The following DMD variants were observed in gnomAD, a reference collection of about 807,000 sequenced individuals.
DMD encodes the protein dystrophin.
Under a neutral mutation model 330.1 loss-of-function variants are expected in DMD, and 63 were observed. The ratio of observed to expected loss-of-function variants is 0.19; its 90% CI spans 0.16 to 0.24. The LOEUF (loss-of-function observed/expected upper bound fraction) is 0.24, where lower values mean the gene tolerates loss of function less well. Ranked by LOEUF, DMD falls within the 10% of genes least tolerant of loss-of-function variation. DMD has a pLI of 1.00. For synonymous variants in DMD, 1,223 were observed against 959.8 expected (o/e 1.27, Z -5.07); for missense variants, 3,344 against 2,684.1 (o/e 1.25, Z -5.43).
chrX:32,040,913 C>G (rs1050754918), intron 44 of DMD, among the ~76,000 whole-genome samples: 1 of 111,255 alleles, frequency 9.0e-6, no homozygotes, highest in Non-Finnish European at 1.9e-5. Flanking sequence ...AAGGTGCAGA[C>G]AAAACCGTGC....
intron 1 of DMD, among the ~76,000 whole-genome samples, chrX:33,071,860 C>T (rs2094763133): frequency 8.9e-6 from 1 of 111,918 alleles, no homozygotes; most frequent in Non-Finnish European, 1.9e-5. Flanking sequence ...ACTATTCAGA[C>T]TGGCAAAGCA....
chrX:32,277,502 T>C (rs1372738395), intron 43 of DMD, among the ~76,000 whole-genome samples: 1 of 111,779 alleles, frequency 8.9e-6, no homozygotes, highest in African/African-American at 3.3e-5. Context: ...TTTAATTCAA[T>C]GAGTGTAGAA....
At position 32,545,331 on chromosome X, in the gene DMD, A is replaced by G. The variant is rs1216909016; in HGVS notation, c.1996T>C (p.Ser666Pro). 2 of 1,209,936 alleles carry G rather than the reference A, an allele frequency of 1.7e-6. No individual in the cohort carries two copies. Among genetic ancestry groups the G allele is most frequent in the Non-Finnish European group, 2.2e-6 (2 of 894,122 alleles). ...GGCTGAGTGGTGGTGACAGCCTGTG[A>G]AATCTGTGAGAAGTATTGAAACAGA... is the stretch of plus-strand genomic sequence containing the variant. ...QKLEKSTAQISQAVTTTQPSL... is the reference protein window; with the variant it reads ...QKLEKSTAQIPQAVTTTQPSL... The change falls in exon 17 of 79, where the codon TCA becomes CCA. Residue 666 changes from serine to proline, a missense_variant. By Grantham distance (74) the Ser-to-Pro change is moderately conservative (BLOSUM62 -1). Coordinates refer to ENST00000357033, the MANE Select transcript of DMD (RefSeq NM_004006.3).
At chrX:32,605,920 G>T (rs2056657799) in intron 12 of DMD, among the ~76,000 whole-genome samples, 2 of 109,573 alleles carry the variant, frequency 1.8e-5, no homozygotes, top group Non-Finnish European at 3.9e-5. Context: ...GTACAGAGTA[G>T]GTGTATTTGT....
At chrX:32,996,768 G>A (rs1486414116) in intron 2 of DMD, among the ~76,000 whole-genome samples, 4 of 108,369 alleles carry the variant, frequency 3.7e-5, no homozygotes, top group Non-Finnish European at 7.6e-5. Context: ...AGTGAGCCGA[G>A]ATAGTGCCAT....
chrX:32,472,091 T>A (rs2040695695), intron 22 of DMD, 73 bp downstream of exon 22: 3 of 1,118,275 alleles, frequency 2.7e-6, no homozygotes, highest in Admixed American at 2.2e-5. Flanking sequence ...ATTCTAATAT[T>A]ATTTAAAGGT....
At chrX:31,331,434 T>C (rs1394776384) in intron 61 of DMD, among the ~76,000 whole-genome samples, 1 of 104,491 alleles carries the variant, frequency 9.6e-6, no homozygotes, top group Non-Finnish European at 1.9e-5. Flanking sequence ...GCATTACTCA[T>C]GAAAAAAAAA....
At chrX:33,215,997 C>T (rs2052046679), upstream of DMD, among the ~76,000 whole-genome samples, 1 of 111,512 alleles carries the variant, frequency 9.0e-6, no homozygotes, top group Non-Finnish European at 1.9e-5. Flanking sequence ...ATTGCTTTGG[C>T]TCTATGGGCT....
intron 44 of DMD, among the ~76,000 whole-genome samples, chrX:32,082,159 A>G (rs2096396478): frequency 9.0e-6 from 1 of 111,234 alleles, no homozygotes; most frequent in Admixed American, 9.6e-5. Flanking sequence ...AAGTCGTGCA[A>G]CCTCTTCCAA....
chrX:32,162,898 C>T (rs1372111044), intron 44 of DMD, among the ~76,000 whole-genome samples: 1 of 110,173 alleles, frequency 9.1e-6, no homozygotes, highest in Non-Finnish European at 1.9e-5. Flanking sequence ...GCCTGAATAG[C>T]CATTCATTCC....
At chrX:32,164,755 C>G (rs2096861812) in intron 44 of DMD, among the ~76,000 whole-genome samples, 1 of 107,967 alleles carries the variant, frequency 9.3e-6, no homozygotes, top group African/African-American at 3.4e-5. Flanking sequence ...CATCACAGAC[C>G]CAGAGGTCTA....
At chrX:32,120,522 G>A (rs924969337) in intron 44 of DMD, among the ~76,000 whole-genome samples, 7 of 112,351 alleles carry the variant, frequency 6.2e-5, no homozygotes, top group Non-Finnish European at 9.4e-5. Context: ...AGGGCAGGCA[G>A]TCTACAGCCT....
intron 4 of DMD, among the ~76,000 whole-genome samples, chrX:32,844,406 CAA>C (rs113585554): frequency 6.2e-4 from 46 of 74,016 alleles, no homozygotes; most frequent in African/African-American, 1.5e-3. Context: ...GACTCCATCT[CAA>C]AAAAAAAAAA....
At chrX:32,853,391 CTAA>C (rs1418672687) in intron 2 of DMD, among the ~76,000 whole-genome samples, 4 of 111,756 alleles carry the variant, frequency 3.6e-5, no homozygotes, top group Non-Finnish European at 5.6e-5. Context: ...ACAAATAACT[CTAA>C]TAACTTTAAG....
intron 47 of DMD, among the ~76,000 whole-genome samples, chrX:31,893,624 G>T (rs1603545721): frequency 9.0e-6 from 1 of 111,118 alleles, no homozygotes; most frequent in African/African-American, 3.3e-5. Context: ...CCGGGTCTCA[G>T]ATGAGGATGC....
chrX:32,426,833 C>T (rs1238255050), intron 29 of DMD, among the ~76,000 whole-genome samples: 1 of 111,619 alleles, frequency 9.0e-6, no homozygotes, highest in Non-Finnish European at 1.9e-5. Context: ...GGAGACCATT[C>T]TACTTAGCAA....
At chrX:33,266,275 A>G (rs1442908948) in intron 1 of DMD, among the ~76,000 whole-genome samples, 1 of 112,075 alleles carries the variant, frequency 8.9e-6, no homozygotes, top group Non-Finnish European at 1.9e-5. Flanking sequence ...AAAAGTAAAG[A>G]GTCTTACAAC....
intron 61 of DMD, among the ~76,000 whole-genome samples, chrX:31,337,541 G>A (rs1392739852): frequency 1.8e-5 from 2 of 112,343 alleles, no homozygotes; most frequent in Admixed American, 1.9e-4. Context: ...ATGGAAAAAC[G>A]AAAGTAATGA....
intron 60 of DMD, among the ~76,000 whole-genome samples, chrX:31,363,491 C>T (rs773030892): frequency 7.3e-4 from 77 of 105,805 alleles, no homozygotes; most frequent in Non-Finnish European, 1.1e-3. Context: ...AGCGATTCTC[C>T]TGCCTCGGCC....
Sources: gnomAD v4.1 joint callset for allele counts (sites outside exome capture counted in the v4.1 genomes callset) on GRCh38, gnomAD v4.1.1 for gene constraint, MANE v1.5 for transcripts, NCBI Gene and HGNC (gene_info 2026-07-23, HGNC 2026-07-21) for gene names.